Variants in PPP2R2B observed in about 807,000 individuals in gnomAD.
The protein encoded by PPP2R2B is protein phosphatase 2 regulatory subunit Bbeta.
In PPP2R2B, 5 loss-of-function variants were observed where a neutral mutation model predicts 46.0. That is an observed-to-expected ratio of 0.11 (90% confidence interval 0.06 to 0.23). PPP2R2B has a LOEUF of 0.23. PPP2R2B is among the 10% of genes least tolerant of loss of function. The pLI is 1.00. For missense variants in PPP2R2B, 367 were observed against 575.0 expected (o/e 0.64, Z 3.70); for synonymous variants, 215 against 206.7 (o/e 1.04, Z -0.34).
intron 2 of PPP2R2B, among the ~76,000 whole-genome samples, chr5:146,803,459 A>G (rs1013434325): frequency 2.0e-5 from 3 of 152,234 alleles, no homozygotes; most frequent in Admixed American, 6.5e-5. Context: ...TGTTATGAGA[A>G]TCTAACCAGT....
intron 2 of PPP2R2B, among the ~76,000 whole-genome samples, chr5:146,748,394 C>T (rs531338188): frequency 1.4e-4 from 22 of 152,306 alleles, no homozygotes; most frequent in Non-Finnish European, 3.2e-4. Flanking sequence ...GACTATATCA[C>T]AGCCAGGATC....
intron 1 of PPP2R2B, among the ~76,000 whole-genome samples, chr5:146,976,082 A>C (rs1355676828): frequency 6.7e-6 from 1 of 149,490 alleles, no homozygotes; most frequent in Non-Finnish European, 1.5e-5. Context: ...CTAAGCTTTT[A>C]CCTAAAAGTT....
At chr5:146,593,319 T>G (rs1347793113) in intron 8 of PPP2R2B, among the ~76,000 whole-genome samples, 1 of 152,128 alleles carries the variant, frequency 6.6e-6, no homozygotes, top group East Asian at 1.9e-4. Context: ...ACTAAATAAG[T>G]GGTAGATTCT....
At chr5:146,920,591 T>C (rs319161) in intron 1 of PPP2R2B, among the ~76,000 whole-genome samples, 73,469 of 152,066 alleles carry the variant, frequency 0.48, 19,466 homozygotes, top group East Asian at 0.73. Flanking sequence ...GCTACATAAC[T>C]TCATGACTGC....
chr5:146,856,699 G>T lies in PPP2R2B; in HGVS notation c.70+21303C>A, dbSNP rs558261718. On this transcript the variant is annotated intron_variant, in intron 2 of 9. Coordinates refer to ENST00000394411, the MANE Select transcript of PPP2R2B (RefSeq NM_181675.4). ...CATACCCCCTACCATCTCTTTGGGA[G>T]AGTTTGCTCCAGGCCTGTCAAAATC... 8 of 733,358 alleles carry T rather than the reference G, an allele frequency of 1.1e-5. No individual in the cohort carries two copies. The East Asian group carries it at 2.1e-4, about 20-fold the overall frequency. The allele number at this position is 733,358 out of a possible 1,614,324, so 45.4% of individuals were successfully genotyped here.
chr5:146,753,504 C>G (rs1272771526), intron 2 of PPP2R2B, among the ~76,000 whole-genome samples: 1 of 152,148 alleles, frequency 6.6e-6, no homozygotes, highest in South Asian at 2.1e-4. Flanking sequence ...TAGAAATGAA[C>G]TAGGCCAGTT....
chr5:146,711,898 G>A (rs1192507227), intron 2 of PPP2R2B, among the ~76,000 whole-genome samples: 1 of 152,134 alleles, frequency 6.6e-6, no homozygotes, highest in Non-Finnish European at 1.5e-5. Flanking sequence ...CTAGAGGGAA[G>A]CAGAAGTCCT....
intron 5 of PPP2R2B, among the ~76,000 whole-genome samples, chr5:146,678,142 A>C (rs1373519095): frequency 2.6e-5 from 4 of 152,178 alleles, no homozygotes; most frequent in Non-Finnish European, 4.4e-5. Flanking sequence ...AAAAATCCTC[A>C]ATAAAATACT....
At chr5:147,004,812 C>G (rs185481541) in intron 1 of PPP2R2B, among the ~76,000 whole-genome samples, 1 of 152,266 alleles carries the variant, frequency 6.6e-6, no homozygotes, top group East Asian at 1.9e-4. Flanking sequence ...ACAGGAATAG[C>G]TCTTGTGGTC....
At chr5:146,683,045 C>T (rs940710659) in intron 5 of PPP2R2B, among the ~76,000 whole-genome samples, 4 of 152,022 alleles carry the variant, frequency 2.6e-5, no homozygotes, top group South Asian at 4.2e-4. Context: ...AGAATATGGC[C>T]GAGAAATACG....
intron 1 of PPP2R2B, among the ~76,000 whole-genome samples, chr5:146,901,801 T>A (rs1023805816): frequency 6.6e-6 from 1 of 152,084 alleles, no homozygotes; most frequent in Non-Finnish European, 1.5e-5. Context: ...AATCCAGTTA[T>A]GTAATGGTCG....
intron 5 of PPP2R2B, among the ~76,000 whole-genome samples, chr5:146,656,909 C>G (rs186439102): frequency 1.8e-4 from 27 of 152,260 alleles, no homozygotes; most frequent in Non-Finnish European, 3.1e-4. Flanking sequence ...GAGTCTTCCT[C>G]CCTCAGGTTC....
chr5:146,978,315 T>C (rs1225467598), intron 1 of PPP2R2B, among the ~76,000 whole-genome samples: 1 of 152,220 alleles, frequency 6.6e-6, no homozygotes, highest in Non-Finnish European at 1.5e-5. Flanking sequence ...TCTCATTCTG[T>C]AGGTTGCCTG....
At chr5:147,071,637 A>AT (rs143497424) in intron 2 of PPP2R2B, among the ~76,000 whole-genome samples, 7,183 of 149,718 alleles carry the variant, frequency 0.048, 286 homozygotes, top group African/African-American at 0.11. Flanking sequence ...ACAAGACGAT[A>AT]TTTTTTTTTT....
At chr5:146,826,876 T>C (rs747566272) in intron 2 of PPP2R2B, among the ~76,000 whole-genome samples, 2 of 152,176 alleles carry the variant, frequency 1.3e-5, no homozygotes, top group Non-Finnish European at 2.9e-5. Context: ...AATCATCTAT[T>C]GCCCTGGAAT....
intron 1 of PPP2R2B, among the ~76,000 whole-genome samples, chr5:146,928,176 C>A (rs990548741): frequency 2.0e-5 from 3 of 152,156 alleles, no homozygotes; most frequent in African/African-American, 7.2e-5. Flanking sequence ...GCTCCTGTGA[C>A]AGTTTTTCTT....
At chr5:146,694,357 G>A (rs543287261) in intron 4 of PPP2R2B, among the ~76,000 whole-genome samples, 163 of 152,294 alleles carry the variant, frequency 1.1e-3, no homozygotes, top group African/African-American at 3.6e-3. Context: ...ATATAGTCAC[G>A]TGATTAGCTC....
intron 7 of PPP2R2B, 62 bp downstream of exon 7, chr5:146,638,189 C>A (rs1455375086): frequency 6.5e-6 from 10 of 1,532,236 alleles, no homozygotes; most frequent in Middle Eastern, 3.8e-4. Flanking sequence ...AGCTTCCAGG[C>A]TCTCCCCCAG....
chr5:146,693,104 C>A (rs1581890573), intron 4 of PPP2R2B, among the ~76,000 whole-genome samples: 1 of 151,902 alleles, frequency 6.6e-6, no homozygotes, highest in South Asian at 2.1e-4. Flanking sequence ...GTACATAACC[C>A]TTCCTCCCTT....
Sources: gnomAD v4.1 joint callset for allele counts (sites outside exome capture counted in the v4.1 genomes callset) on GRCh38, gnomAD v4.1.1 for gene constraint, MANE v1.5 for transcripts, NCBI Gene and HGNC (gene_info 2026-07-23, HGNC 2026-07-21) for gene names.